CATSPERE: variants seen among roughly 807,000 people sequenced by gnomAD.
CATSPERE encodes the protein cation channel sperm-associated auxiliary subunit epsilon.
Under a neutral mutation model 114.1 loss-of-function variants are expected in CATSPERE, and 93 were observed. The ratio of observed to expected loss-of-function variants is 0.81; its 90% CI spans 0.69 to 0.97. The LOEUF (loss-of-function observed/expected upper bound fraction) is 0.97. Ranked by LOEUF, CATSPERE falls within the 50% of genes least tolerant of loss-of-function variation. CATSPERE has a pLI of 0.00. For missense variants in CATSPERE, 1,058 were observed against 1,131.6 expected (o/e 0.93, Z 0.93); for synonymous variants, 341 against 384.1 (o/e 0.89, Z 1.31).
intron 8 of CATSPERE, among the ~76,000 whole-genome samples, chr1:244,522,605 AAAAG>A (rs1310549514): frequency 6.6e-6 from 1 of 152,202 alleles, no homozygotes; most frequent in Non-Finnish European, 1.5e-5. Context: ...AATAAAGAAA[AAAAG>A]AGAGAAGAAT....
At chr1:244,526,985 T>C (rs1045176790) in intron 8 of CATSPERE, among the ~76,000 whole-genome samples, 9 of 152,000 alleles carry the variant, frequency 5.9e-5, no homozygotes, top group African/African-American at 2.2e-4. Context: ...GTCACAAAGA[T>C]CACATGCTTC....
intron 2 of CATSPERE, among the ~76,000 whole-genome samples, chr1:244,471,179 G>T (rs1468130691): frequency 6.6e-6 from 1 of 152,116 alleles, no homozygotes; most frequent in African/African-American, 2.4e-5. Context: ...TCTCAAAGTT[G>T]TTTAAAAAAC....
At chr1:244,580,603 A>C (rs1360642525) in intron 11 of CATSPERE, among the ~76,000 whole-genome samples, 1 of 152,158 alleles carries the variant, frequency 6.6e-6, no homozygotes, top group African/African-American at 2.4e-5. Flanking sequence ...ATTCACGTCA[A>C]AAAAATATAA....
chr1:244,514,243 A>G (rs777512571), intron 7 of CATSPERE, among the ~76,000 whole-genome samples: 1 of 152,184 alleles, frequency 6.6e-6, no homozygotes, highest in African/African-American at 2.4e-5. Context: ...GGAATTAACT[A>G]TTGATAATGC....
intron 10 of CATSPERE, among the ~76,000 whole-genome samples, chr1:244,565,764 A>C (rs544398274): frequency 2.0e-5 from 3 of 151,910 alleles, no homozygotes; most frequent in Admixed American, 1.3e-4. Flanking sequence ...TTCAAGATTC[A>C]TAGATTCTTT....
At chr1:244,632,393 C>A (rs374757606) in intron 20 of CATSPERE, among the ~76,000 whole-genome samples, 1,156 of 109,142 alleles carry the variant, frequency 0.011, no homozygotes, top group South Asian at 0.013. Context: ...GACTCCAACT[C>A]AAAAAAAAAA....
At chr1:244,485,795 C>T (rs1670917128) in intron 5 of CATSPERE, among the ~76,000 whole-genome samples, 1 of 150,686 alleles carries the variant, frequency 6.6e-6, no homozygotes, top group African/African-American at 2.4e-5. Flanking sequence ...CTCTTGGTGT[C>T]AGGCACTCCT....
At chr1:244,507,593 C>T (rs2148313605) in intron 7 of CATSPERE, among the ~76,000 whole-genome samples, 1 of 152,224 alleles carries the variant, frequency 6.6e-6, no homozygotes, top group African/African-American at 2.4e-5. Flanking sequence ...CCTCTGTTTT[C>T]TTCTAGTAGT....
At chr1:244,476,033 A>G (rs1041369560) in intron 2 of CATSPERE, among the ~76,000 whole-genome samples, 1 of 152,110 alleles carries the variant, frequency 6.6e-6, no homozygotes, top group Non-Finnish European at 1.5e-5. Context: ...ATCAAAGGGC[A>G]TTGTATATGT....
intron 2 of CATSPERE, among the ~76,000 whole-genome samples, chr1:244,467,587 C>G (rs908940342): frequency 6.6e-6 from 1 of 152,184 alleles, no homozygotes; most frequent in Non-Finnish European, 1.5e-5. Context: ...TATACGTATC[C>G]TGTGACACAC....
At chr1:244,464,814 T>C (rs772872540) in intron 2 of CATSPERE, among the ~76,000 whole-genome samples, 1 of 152,194 alleles carries the variant, frequency 6.6e-6, no homozygotes, top group Non-Finnish European at 1.5e-5. Flanking sequence ...GTTCATACCC[T>C]TTGCCTATTT....
intron 10 of CATSPERE, among the ~76,000 whole-genome samples, chr1:244,563,907 C>A (rs2148543252): frequency 6.6e-6 from 1 of 152,066 alleles, no homozygotes; most frequent in South Asian, 2.1e-4. Context: ...GTTTAAGTCT[C>A]TAATCCATCT....
At chr1:244,477,679 C>T in intron 3 of CATSPERE, 65 bp downstream of exon 3, 1 of 1,118,702 alleles carries the variant, frequency 8.9e-7, no homozygotes, top group Non-Finnish European at 1.3e-6. Flanking sequence ...ATAATGTGAA[C>T]ATTGAGATTC....
intron 8 of CATSPERE, among the ~76,000 whole-genome samples, chr1:244,530,909 G>GAT (rs1679474484): frequency 1.3e-5 from 2 of 151,786 alleles, no homozygotes; most frequent in African/African-American, 4.8e-5. Flanking sequence ...ATAGTTTTTT[G>GAT]ATAGAGACTT....
intron 10 of CATSPERE, among the ~76,000 whole-genome samples, chr1:244,563,134 C>T (rs888544586): frequency 2.0e-5 from 3 of 152,166 alleles, no homozygotes; most frequent in Non-Finnish European, 4.4e-5. Flanking sequence ...CAGTCTATCA[C>T]TGATGGGCAT....
chr1:244,548,933 C>A (rs1660177021), intron 8 of CATSPERE, among the ~76,000 whole-genome samples: 1 of 152,140 alleles, frequency 6.6e-6, no homozygotes, highest in Admixed American at 6.5e-5. Context: ...CCTCCTGTTC[C>A]CAGGACTTCA....
Position 244,515,468 on chromosome 1 carries a change from T to C in CATSPERE, c.430-3124T>C, listed in dbSNP as rs893726781. 9 of 241,072 alleles carry C rather than the reference T, an allele frequency of 3.7e-5. No homozygotes were observed. The South Asian group carries it at 1.2e-3, about 33-fold the overall frequency. 14.9% of individuals were successfully genotyped at this position (241,072 alleles called of 1,614,324 possible). ...CTGGAAGTCACGATTAATAATCTAA[T>C]TAGATCCTCAGATCTAGAACTAGAT... On this transcript the variant is annotated intron_variant, in intron 7 of 21. Transcript: ENST00000366534.
intron 10 of CATSPERE, among the ~76,000 whole-genome samples, chr1:244,564,245 G>T (rs551269836): frequency 6.5e-4 from 99 of 152,096 alleles, no homozygotes; most frequent in African/African-American, 2.3e-3. Flanking sequence ...GCTCTTTTTT[G>T]GTTCCATATG....
Position 244,504,731 on chromosome 1 carries a change from A to G in CATSPERE, c.429+5652A>G, listed in dbSNP as rs1572445361. Among the ~76,000 whole-genome samples the G allele has an allele frequency of 6.6e-6, 1 of 152,234 alleles. No homozygotes were observed. The highest frequency in any genetic ancestry group is 1.9e-4 in the East Asian group (1 of 5,198). On this transcript the variant is annotated intron_variant, in intron 7 of 21. Transcript: ENST00000366534. The surrounding 1 kb of genome is among the most constrained non-coding windows in gnomAD (Gnocchi z 4.1). ...TCAGGCAGGAAGACCGCAGAAGTAA[A>G]GTGGCATTCCCATTACGCGCAATCA...
Sources: gnomAD v4.1 joint callset for allele counts (sites outside exome capture counted in the v4.1 genomes callset) on GRCh38, gnomAD v4.1.1 for gene constraint, Gnocchi (gnomAD v3.1) non-coding constraint, MANE v1.5 for transcripts, NCBI Gene and HGNC (gene_info 2026-07-23, HGNC 2026-07-21) for gene names.